Variants in CSMD1 observed in about 807,000 individuals in gnomAD.
CSMD1 encodes CUB and sushi domain-containing protein 1.
CSMD1 carries 213 observed loss-of-function variants against 417.5 expected under a neutral mutation model. The ratio of observed to expected loss-of-function variants is 0.51; its 90% CI spans 0.46 to 0.57. The LOEUF (loss-of-function observed/expected upper bound fraction) is 0.57. CSMD1 is among the 20% of genes least tolerant of loss of function. The pLI, the probability that CSMD1 is intolerant of heterozygous loss-of-function variation, is 0.00. For synonymous variants in CSMD1, 2,862 were observed against 1,736.8 expected, an observed-to-expected ratio of 1.65 and a Z score of -16.11; for missense variants, 6,923 against 4,529.7, an observed-to-expected ratio of 1.53 and a Z score of -15.17.
chr8:4,348,544 AAAGT>A (rs547578079), intron 3 of CSMD1, among the ~76,000 whole-genome samples: 9 of 147,634 alleles, frequency 6.1e-5, no homozygotes, highest in Non-Finnish European at 1.4e-4. Context: ...ATCACAAATA[AAAGT>A]GTGTGTGTGC....
chr8:3,372,451 T>C (rs771188937), intron 18 of CSMD1, among the ~76,000 whole-genome samples: 2 of 152,006 alleles, frequency 1.3e-5, no homozygotes, highest in South Asian at 4.1e-4. Flanking sequence ...GCTGAGAGAA[T>C]ACACAGTGGT....
At chr8:3,640,302 G>C (rs113043158) in intron 7 of CSMD1, among the ~76,000 whole-genome samples, 2 of 152,254 alleles carry the variant, frequency 1.3e-5, no homozygotes, top group African/African-American at 2.4e-5. Context: ...TAGTCTCCAG[G>C]TTTCATGTTC....
At chr8:4,429,310 G>A (rs979542405) in intron 2 of CSMD1, among the ~76,000 whole-genome samples, 35 of 152,080 alleles carry the variant, frequency 2.3e-4, no homozygotes, top group Admixed American at 5.2e-4. Context: ...TTGCTTCACT[G>A]CTCTTCAAGA....
intron 1 of CSMD1, among the ~76,000 whole-genome samples, chr8:4,897,501 T>C (rs1804574835): frequency 6.6e-6 from 1 of 152,118 alleles, no homozygotes; most frequent in East Asian, 1.9e-4. Context: ...ACCCTGGCTA[T>C]AACCTCTCAT....
intron 2 of CSMD1, among the ~76,000 whole-genome samples, chr8:4,434,817 C>T (rs753526128): frequency 1.6e-4 from 25 of 152,158 alleles, no homozygotes; most frequent in African/African-American, 2.7e-4. Flanking sequence ...CCCTACTTCA[C>T]CAGGGCTCAA....
At chr8:4,449,697 A>G (rs536017375) in intron 2 of CSMD1, among the ~76,000 whole-genome samples, 1 of 152,282 alleles carries the variant, frequency 6.6e-6, no homozygotes, top group African/African-American at 2.4e-5. Flanking sequence ...AGAGGGAGAG[A>G]GAGGGAGTAT....
intron 54 of CSMD1, among the ~76,000 whole-genome samples, chr8:2,983,978 G>C (rs1243427770): frequency 6.6e-6 from 1 of 152,190 alleles, no homozygotes; most frequent in Non-Finnish European, 1.5e-5. Context: ...AAAATTGGCA[G>C]AAATACACTG....
At chr8:3,359,114 C>T in intron 21 of CSMD1, 38 bp downstream of exon 21, 1 of 1,603,982 alleles carries the variant, frequency 6.2e-7, no homozygotes, top group Non-Finnish European at 8.5e-7. Flanking sequence ...AGACCCTGCC[C>T]CCATGGATGA....
chr8:4,671,203 T>A (rs1208577337), intron 1 of CSMD1, among the ~76,000 whole-genome samples: 3 of 152,234 alleles, frequency 2.0e-5, no homozygotes, highest in African/African-American at 7.2e-5. Flanking sequence ...AGTAGTTTCC[T>A]TTCAAGATGA....
chr8:4,240,281 G>C (rs1183668849), intron 3 of CSMD1, among the ~76,000 whole-genome samples: 1 of 152,198 alleles, frequency 6.6e-6, no homozygotes. Context: ...GGAAACCTCT[G>C]ATTGCTTTGA....
At chr8:3,486,932 T>C (rs77770326) in intron 11 of CSMD1, among the ~76,000 whole-genome samples, 2,829 of 152,274 alleles carry the variant, frequency 0.019, 101 homozygotes, top group African/African-American at 0.064. Flanking sequence ...TGTCCAGTAC[T>C]AATGACGAAG....
At chr8:4,120,518 C>T (rs936317128) in intron 3 of CSMD1, among the ~76,000 whole-genome samples, 19 of 152,136 alleles carry the variant, frequency 1.2e-4, no homozygotes, top group African/African-American at 4.6e-4. Flanking sequence ...TTCCAAATTT[C>T]TATATTTGGC....
chr8:4,552,351 G>C (rs1474070997), intron 2 of CSMD1, among the ~76,000 whole-genome samples: 1 of 150,954 alleles, frequency 6.6e-6, no homozygotes, highest in African/African-American at 2.4e-5. Flanking sequence ...TTTTCTTTTG[G>C]CTTCTGTGAA....
chr8:3,426,969 G>C (rs1290862626), intron 12 of CSMD1, among the ~76,000 whole-genome samples: 1 of 152,134 alleles, frequency 6.6e-6, no homozygotes, highest in African/African-American at 2.4e-5. Flanking sequence ...GAAGCAAAGT[G>C]CCTTCTTCAC....
chr8:4,793,133 G>C (rs954027813), intron 1 of CSMD1, among the ~76,000 whole-genome samples: 4 of 151,934 alleles, frequency 2.6e-5, no homozygotes, highest in African/African-American at 9.7e-5. Flanking sequence ...AGCATAACAG[G>C]TCAGCAGGTA....
At chr8:4,899,710 TA>T (rs1449273112) in intron 1 of CSMD1, among the ~76,000 whole-genome samples, 2 of 152,228 alleles carry the variant, frequency 1.3e-5, no homozygotes, top group African/African-American at 4.8e-5. Flanking sequence ...TAAAAATTTC[TA>T]ATCATATCTC....
At chr8:4,470,794 T>G (rs1800485082) in intron 2 of CSMD1, among the ~76,000 whole-genome samples, 1 of 152,362 alleles carries the variant, frequency 6.6e-6, no homozygotes, top group African/African-American at 2.4e-5. Context: ...TTAAGGATTG[T>G]CTAACACATT....
chr8:3,875,112 G>A (rs374954994), intron 5 of CSMD1, among the ~76,000 whole-genome samples: 13 of 142,604 alleles, frequency 9.1e-5, no homozygotes, highest in Non-Finnish European at 1.4e-4. Flanking sequence ...AGGGGCTTCA[G>A]GAACACATTG....
chr8:4,183,893 G>C (rs1185936772), intron 3 of CSMD1, among the ~76,000 whole-genome samples: 2 of 152,138 alleles, frequency 1.3e-5, no homozygotes, highest in African/African-American at 2.4e-5. Context: ...CATGTGGACA[G>C]TTTGGCCACA....
Sources: gnomAD v4.1 joint callset for allele counts (sites outside exome capture counted in the v4.1 genomes callset) on GRCh38, gnomAD v4.1.1 for gene constraint, MANE v1.5 for transcripts, NCBI Gene and HGNC (gene_info 2026-07-23, HGNC 2026-07-21) for gene names.